MSANTD4: variants seen among roughly 807,000 people sequenced by gnomAD.
The protein encoded by MSANTD4 is myb/SANT-like DNA-binding domain-containing protein 4.
A neutral mutation model predicts 34.3 loss-of-function variants in MSANTD4; 13 were observed. The ratio of observed to expected loss-of-function variants is 0.38; its 90% CI spans 0.25 to 0.60. The LOEUF is 0.60. Among genes scored for constraint, MSANTD4 ranks in the 20% least tolerant of loss-of-function variants. MSANTD4 has a pLI of 0.63. For missense variants in MSANTD4, 358 were observed against 401.8 expected (o/e 0.89, Z 0.93); for synonymous variants, 137 against 145.2 (o/e 0.94, Z 0.41).
rs773317277 is a variant in MSANTD4, at chr11:106,010,518, C to T, written c.400G>A (p.Ala134Thr). Residue 134 changes from alanine to threonine, a missense_variant, in exon 2 of 3, where the codon GCA becomes ACA. This residue lies in a region of MSANTD4 where 312 missense variants were observed against 317.6 expected (regional missense o/e 0.98). Transcript: ENST00000301919. ...TTGACCTCAGTTAAGGATCCACCTG[C>T]ATCCCTGAAATCTGCCACATTTTGC... ...DWQNVADFRDAGGSLTEVKVE... is the reference protein window; with the variant it reads ...DWQNVADFRDTGGSLTEVKVE... 1 of 1,614,186 alleles carries T rather than the reference C, an allele frequency of 6.2e-7. No homozygotes were observed. The highest frequency in any genetic ancestry group is 2.2e-5 in the East Asian group (1 of 44,882).
rs754240117 is a variant in MSANTD4 at position 106,010,660 on chromosome 11, C to T, written c.258G>A (p.Lys86=). 3 of 1,612,206 alleles carry T rather than the reference C, an allele frequency of 1.9e-6. No individual in the cohort carries two copies. Among genetic ancestry groups the T allele is most frequent in the African/African-American group, 2.7e-5 (2 of 74,756 alleles). Residue 86 remains lysine, a synonymous_variant, in exon 2 of 3, where the codon AAG becomes AAA. Coordinates refer to ENST00000301919, the MANE Select transcript of MSANTD4 (RefSeq NM_032424.3). ...WRALMKRKRM[K]ANIKLVGSGF... ...CTGAACCAACCAGCTTAATGTTGGC[C>T]TTCATCCTCTTTCTCTTCATAAGTG...
At position 106,010,806 on chromosome 11, in the gene MSANTD4, T is replaced by C. The variant is rs1859670775; in HGVS notation, c.112A>G (p.Thr38Ala). The C allele has an allele frequency of 1.9e-6, 3 of 1,614,218 alleles. No homozygotes were observed. The highest frequency in any genetic ancestry group is 2.5e-6 in the Non-Finnish European group (3 of 1,180,048). The change falls in exon 2 of 3, where the codon ACA becomes GCA. Residue 38 changes from threonine (T) to alanine (A), a missense_variant. By Grantham distance (58) the Thr-to-Ala change is moderately conservative. Around this residue, in one of 2 missense-constraint regions of MSANTD4, gnomAD observed 46 missense variants for 84.3 expected, o/e 0.55. Transcript: ENST00000301919. The part of the protein sequence containing the change: ...KEVIFSKQLN[T>A]TINVMKRMAW... ...ATTCGCTTCATCACATTAATTGTTG[T>C]ATTGAGCTGCTTGGAAAAAATGACT...
chr11:106,011,016 G>T lies in MSANTD4; in HGVS notation c.-99C>A, dbSNP rs902481206. ...AGGGATAATTCTTTGCTGGCCCTTAGTTCAAATCATTGTCTTCCATTCATC... is the reference window on the plus strand; with the variant it reads ...AGGGATAATTCTTTGCTGGCCCTTATTTCAAATCATTGTCTTCCATTCATC... On this transcript the variant is annotated 5_prime_UTR_variant, in exon 2 of 3. Transcript: ENST00000301919. 6.9e-6 allele frequency: 10 copies of T among 1,439,204 alleles called. No homozygotes were observed. The highest frequency in any genetic ancestry group is 9.1e-6 in the Non-Finnish European group (10 of 1,101,236). The allele number at this position is 1,439,204 out of a possible 1,614,324, so 89.2% of individuals were successfully genotyped here.
rs193013054 is a variant in MSANTD4 at position 106,010,442 on chromosome 11, A to G, written c.462+14T>C. Reference sequence around the variant, plus strand: ...TTGAAAAGATTAAAAGAGGGTACAGAGGCTAATACTTACTTCAGGACTCTG... The same window carrying G: ...TTGAAAAGATTAAAAGAGGGTACAGGGGCTAATACTTACTTCAGGACTCTG... On this transcript the variant is annotated intron_variant, in intron 2 of 2. Coordinates refer to ENST00000301919, the MANE Select transcript of MSANTD4 (RefSeq NM_032424.3). 81 of 1,594,498 alleles carry G rather than the reference A, an allele frequency of 5.1e-5. 1 individual carries two copies. The East Asian group carries it at 1.8e-3, about 35-fold the overall frequency.
chr11:106,012,090 A>C (rs2134939790), intron 1 of MSANTD4, among the ~76,000 whole-genome samples: 1 of 152,020 alleles, frequency 6.6e-6, no homozygotes, highest in South Asian at 2.1e-4. Context: ...CATCCCACCT[A>C]ATTAATCATG....
In MSANTD4 at chr11:106,009,410, CT is replaced by C; in HGVS notation, c.*124del. 2 of 915,024 alleles carry C rather than the reference CT, an allele frequency of 2.2e-6. No individual in the cohort carries two copies. The highest frequency in any genetic ancestry group is 3.3e-6 in the Non-Finnish European group (2 of 612,908). The allele number at this position is 915,024 out of a possible 1,614,324, so 56.7% of individuals were successfully genotyped here. On this transcript the variant is annotated 3_prime_UTR_variant, in exon 3 of 3. Coordinates refer to ENST00000301919, the MANE Select transcript of MSANTD4 (RefSeq NM_032424.3). ...TAGGCATACAGTTATCCACATATAACTTTTTCCTACTGAACACTGACATTAG... is the reference window on the plus strand; with the variant it reads ...TAGGCATACAGTTATCCACATATAACTTTTCCTACTGAACACTGACATTAG...
chr11:106,019,440 AGGCTACT>A (rs1374545287), intron 1 of MSANTD4, among the ~76,000 whole-genome samples: 1 of 152,242 alleles, frequency 6.6e-6, no homozygotes, highest in Non-Finnish European at 1.5e-5. Context: ...CAATAATGTA[AGGCTACT>A]GGCTACCATA....
At position 106,010,561 on chromosome 11, in the gene MSANTD4, A is replaced by G; in HGVS notation, c.357T>C (p.Asn119=). Residue 119 remains asparagine, a synonymous_variant, in exon 2 of 3, where the codon AAT becomes AAC. Coordinates refer to ENST00000301919, the MANE Select transcript of MSANTD4 (RefSeq NM_032424.3). ...CATTTTGCCAGTCAAAATTTGCATC[A>G]TTTCGGAATCCAATCTTTTCATCTA... ...EEIDEKIGFR[N]DANFDWQNVA... 6.2e-7 allele frequency: 1 copy of G among 1,614,170 alleles called. No homozygotes were observed. Among genetic ancestry groups the G allele is most frequent in the Non-Finnish European group, 8.5e-7 (1 of 1,180,032 alleles).
At chr11:106,011,735 A>G (rs1859699127) in intron 1 of MSANTD4, among the ~76,000 whole-genome samples, 1 of 152,208 alleles carries the variant, frequency 6.6e-6, no homozygotes, top group Admixed American at 6.5e-5. Context: ...CATGCATACC[A>G]TAAATATGTT....
intron 1 of MSANTD4, among the ~76,000 whole-genome samples, chr11:106,019,914 C>G (rs1279172817): frequency 6.6e-6 from 1 of 152,186 alleles, no homozygotes; most frequent in Non-Finnish European, 1.5e-5. Flanking sequence ...ACCTCTTAAA[C>G]TTGTTTCTTC....
intron 1 of MSANTD4, among the ~76,000 whole-genome samples, chr11:106,018,030 T>C (rs1859907158): frequency 6.6e-6 from 1 of 152,120 alleles, no homozygotes. Flanking sequence ...GCATCTTGAG[T>C]AGCAACAGTC....
chr11:106,016,636 T>C (rs1424694732), intron 1 of MSANTD4, among the ~76,000 whole-genome samples: 1 of 152,160 alleles, frequency 6.6e-6, no homozygotes, highest in Non-Finnish European at 1.5e-5. Flanking sequence ...TCAGGAAAAC[T>C]GAAGTTTCCA....
At chr11:106,018,354 C>T (rs1859920524) in intron 1 of MSANTD4, among the ~76,000 whole-genome samples, 1 of 152,132 alleles carries the variant, frequency 6.6e-6, no homozygotes, top group African/African-American at 2.4e-5. Context: ...AGTAGCTAAT[C>T]TACTCAAAAG....
Position 106,009,989 on chromosome 11 carries a change from C to G in MSANTD4, c.584G>C (p.Arg195Thr), listed in dbSNP as rs2134932500. Residue 195 changes from arginine to threonine, a missense_variant, in exon 3 of 3, where the codon AGA becomes ACA. Coordinates refer to ENST00000301919, the MANE Select transcript of MSANTD4 (RefSeq NM_032424.3). ...EFFTLNSTPS[R>T]SAYDEPHLLV... ...CAAATGAGGCTCATCATATGCAGAT[C>G]TAGATGGTGTTGAGTTAAGGGTAAA... is the stretch of plus-strand genomic sequence containing the variant. 1.2e-6 allele frequency: 2 copies of G among 1,609,780 alleles called. No individual in the cohort carries two copies. The highest frequency in any genetic ancestry group is 2.2e-5 in the East Asian group (1 of 44,866).
Position 106,009,857 on chromosome 11 carries a change from C to T in MSANTD4, c.716G>A (p.Arg239Lys). ...ATGTTCCATGTCTAAATGCCGCAGC[C>T]TCTCTTTCTCGATTTGTAGGCGTTC... ...EKERLQIEKE[R>K]LRHLDMEHER... The change falls in exon 3 of 3, where the codon AGG (arginine) becomes AAG (lysine). Residue 239 changes from arginine (R) to lysine (K), a missense_variant. By Grantham distance (26) the Arg-to-Lys change is conservative (BLOSUM62 2). Coordinates refer to ENST00000301919, the MANE Select transcript of MSANTD4 (RefSeq NM_032424.3). 2 of 1,613,890 alleles carry T rather than the reference C, an allele frequency of 1.2e-6. No homozygotes were observed. The highest frequency in any genetic ancestry group is 1.7e-6 in the Non-Finnish European group (2 of 1,179,988).
At chr11:106,016,188 A>C (rs1487950236) in intron 1 of MSANTD4, among the ~76,000 whole-genome samples, 1 of 152,224 alleles carries the variant, frequency 6.6e-6, no homozygotes, top group Non-Finnish European at 1.5e-5. Context: ...AGAGGATCAC[A>C]TTTAATTAAT....
chr11:106,012,439 A>G (rs1859724288), intron 1 of MSANTD4, among the ~76,000 whole-genome samples: 1 of 152,254 alleles, frequency 6.6e-6, no homozygotes, highest in African/African-American at 2.4e-5. Context: ...CTTTAATTGT[A>G]GAGTTGAAGA....
Position 106,008,806 on chromosome 11 carries a change from A to G in MSANTD4, c.*729T>C, listed in dbSNP as rs568894973. On this transcript the variant is annotated 3_prime_UTR_variant, in exon 3 of 3. Transcript: ENST00000301919. ...AAAAGAATTCTTTTCAAAGTGACCCATTTTAGAAAATTTCTGATGTTCTCT... is the reference window on the plus strand; with the variant it reads ...AAAAGAATTCTTTTCAAAGTGACCCGTTTTAGAAAATTTCTGATGTTCTCT... 6.6e-6 allele frequency: 1 copy of G among 152,284 alleles called. No individual in the cohort carries two copies. Among genetic ancestry groups the G allele is most frequent in the South Asian group, 2.1e-4 (1 of 4,820 alleles). 9.4% of individuals were successfully genotyped at this position (152,284 alleles called of 1,614,324 possible).
chr11:106,009,601 A>T lies in MSANTD4; in HGVS notation c.972T>A (p.Ile324=). 1 of 1,613,954 alleles carries T rather than the reference A, an allele frequency of 6.2e-7. No homozygotes were observed. Among genetic ancestry groups the T allele is most frequent in the East Asian group, 2.2e-5 (1 of 44,880 alleles). ...FLKFESEKLQ[I]EKERLQVEKD... ...TCTCTACCTGTAAGCGTTCCTTTTC[A>T]ATCTGCAGCTTCTCAGATTCAAACT... is the stretch of plus-strand genomic sequence containing the variant. The change falls in exon 3 of 3, where the codon ATT becomes ATA. Residue 324 remains isoleucine (I), a synonymous_variant. Coordinates refer to ENST00000301919, the MANE Select transcript of MSANTD4 (RefSeq NM_032424.3).
Sources: gnomAD v4.1 joint callset for allele counts (sites outside exome capture counted in the v4.1 genomes callset) on GRCh38, gnomAD v4.1.1 for gene constraint, gnomAD v4.1.1 regional missense constraint, MANE v1.5 for transcripts, NCBI Gene and HGNC (gene_info 2026-07-23, HGNC 2026-07-21) for gene names.